The following CEP295 variants were observed in gnomAD, a reference collection of about 807,000 sequenced individuals.
CEP295 encodes the protein centrosomal protein of 295 kDa.
CEP295 carries 190 observed loss-of-function variants against 291.6 expected under a neutral mutation model. The observed-to-expected ratio is 0.65, with a 90% CI of 0.58 to 0.73. The LOEUF is 0.73. CEP295 is among the 30% of genes least tolerant of loss of function. The pLI is 0.00. For synonymous variants in CEP295, 993 were observed against 1,038.8 expected, an observed-to-expected ratio of 0.96 and a Z score of 0.85; for missense variants, 2,863 against 2,949.4, an observed-to-expected ratio of 0.97 and a Z score of 0.68.
At position 93,709,375 on chromosome 11, in the gene CEP295, T is replaced by G. The variant is rs566844846; in HGVS notation, c.5749+2478T>G. 5.3e-5 allele frequency among the ~76,000 whole-genome samples: 8 copies of G among 152,344 alleles called. 1 individual carries two copies. Among genetic ancestry groups the G allele is most frequent in the African/African-American group, 1.9e-4 (8 of 41,576 alleles). ...TTCTTCCATATGTGGGTATCCAGTCTTCCCAGCACCATTTACTGAAGAGAC... is the reference window on the plus strand; with the variant it reads ...TTCTTCCATATGTGGGTATCCAGTCGTCCCAGCACCATTTACTGAAGAGAC... On this transcript the variant is annotated intron_variant, in intron 18 of 29. Transcript: ENST00000325212.
chr11:93,705,370 G>A (rs1268498535), intron 17 of CEP295, among the ~76,000 whole-genome samples: 1 of 152,142 alleles, frequency 6.6e-6, no homozygotes, highest in East Asian at 1.9e-4. Context: ...GTTTAAAAAG[G>A]AAAAGTCTAA....
chr11:93,696,458 T>C (rs1303290249), intron 14 of CEP295, 41 bp downstream of exon 14: 10 of 1,287,152 alleles, frequency 7.8e-6, no homozygotes, highest in Non-Finnish European at 1.1e-5. Flanking sequence ...CGTATGTGGC[T>C]ACATTTTTAG....
chr11:93,708,555 G>A (rs947045628), intron 18 of CEP295, among the ~76,000 whole-genome samples: 2 of 151,916 alleles, frequency 1.3e-5, no homozygotes, highest in Non-Finnish European at 2.9e-5. Flanking sequence ...TTTGTTTGTT[G>A]ATGGACACTT....
In CEP295 at chr11:93,706,879, G is replaced by A. The variant is rs1179154929; in HGVS notation, c.5731G>A (p.Asp1911Asn). 4.4e-5 allele frequency: 68 copies of A among 1,537,788 alleles called. No homozygotes were observed. The Admixed American group carries it at 1.3e-3, about 30-fold the overall frequency. The change falls in exon 18 of 30, where the codon GAT becomes AAT. Residue 1911 changes from aspartate (D) to asparagine (N), a missense_variant. Asp to Asn is a conservative substitution (Grantham distance 23). Coordinates refer to ENST00000325212, the MANE Select transcript of CEP295 (RefSeq NM_033395.2). ...GGTTGGCCAAGAGAATGTCTGTGGT[G>A]ATGACTATGATGAAGCAGGTGAGAA... ...QLVGQENVCG[D>N]DYDEAVKLKE...
intron 12 of CEP295, among the ~76,000 whole-genome samples, chr11:93,693,290 C>G (rs2135062403): frequency 6.6e-6 from 1 of 151,738 alleles, no homozygotes; most frequent in African/African-American, 2.4e-5. Context: ...AAAAAAAAAT[C>G]CTCCTTAACT....
chr11:93,676,886 AGTT>A (rs1272909541), intron 6 of CEP295, among the ~76,000 whole-genome samples: 1 of 152,070 alleles, frequency 6.6e-6, no homozygotes, highest in Non-Finnish European at 1.5e-5. Flanking sequence ...TTAGATCAGT[AGTT>A]ATAATGATAA....
chr11:93,730,149 G>A lies in CEP295; in HGVS notation c.7767+1G>A. ...AGCAAGGGCAAAAGAATTCCATAAG[G>A]TGAGTATAACTGAGGGAGAAGGACT... On this transcript the variant is annotated splice_donor_variant, in intron 29 of 29. Transcript: ENST00000325212. LOFTEE classifies it high-confidence loss of function. 6.4e-7 allele frequency: 1 copy of A among 1,551,014 alleles called. No individual in the cohort carries two copies. Among genetic ancestry groups the A allele is most frequent in the Non-Finnish European group, 8.7e-7 (1 of 1,146,788 alleles).
rs1171211298 is a variant in CEP295, at chr11:93,699,434, C to T, written c.4522C>T (p.Leu1508Phe). The change falls in exon 15 of 30, where the codon CTT (leucine) becomes TTT (phenylalanine). Residue 1508 changes from leucine to phenylalanine, a missense_variant. Coordinates refer to ENST00000325212, the MANE Select transcript of CEP295 (RefSeq NM_033395.2). ...IQSHHGDLQA[L>F]QQQLDTQKKA... ...GTCTCACCATGGTGATTTGCAGGCA[C>T]TTCAACAGCAGTTAGATACACAGAA... 6 of 1,551,750 alleles carry T rather than the reference C, an allele frequency of 3.9e-6. No individual in the cohort carries two copies. Among genetic ancestry groups the T allele is most frequent in the Non-Finnish European group, 1.7e-6 (2 of 1,146,998 alleles).
In CEP295 at chr11:93,702,762, C is replaced by G; in HGVS notation, c.5453-14C>G. On this transcript the variant is annotated splice_polypyrimidine_tract_variant and intron_variant, in intron 16 of 29. Coordinates refer to ENST00000325212, the MANE Select transcript of CEP295 (RefSeq NM_033395.2). ...GATTTTGTATTGTATCCAACTTTGT[C>G]ATTGACTTAATAGGTGAGCATCTGG... is the stretch of plus-strand genomic sequence containing the variant. The G allele has an allele frequency of 6.5e-7, 1 of 1,549,902 alleles. No homozygotes were observed. The highest frequency in any genetic ancestry group is 1.2e-5 in the South Asian group (1 of 83,564).
At chr11:93,715,225 C>A (rs1953160763) in intron 18 of CEP295, among the ~76,000 whole-genome samples, 1 of 152,116 alleles carries the variant, frequency 6.6e-6, no homozygotes. Flanking sequence ...CTGTTCCCTC[C>A]CCTTCCTTAG....
intron 2 of CEP295, among the ~76,000 whole-genome samples, chr11:93,667,121 A>G (rs1457689036): frequency 6.6e-6 from 1 of 152,224 alleles, no homozygotes; most frequent in East Asian, 1.9e-4. Flanking sequence ...TGCTAATTGG[A>G]AAGATTATTA....
At chr11:93,724,165 C>T (rs1281703168) in intron 21 of CEP295, 89 bp from the exon 22 acceptor site, 8 of 1,226,494 alleles carry the variant, frequency 6.5e-6, no homozygotes, top group Non-Finnish European at 7.9e-6. Flanking sequence ...TGAATATGTT[C>T]TTAATACTCC....
At chr11:93,719,596 A>C (rs981966939) in intron 18 of CEP295, 2 of 152,082 alleles carry the variant, frequency 1.3e-5, no homozygotes, top group African/African-American at 2.4e-5. Context: ...CATTTGAAAA[A>C]TAATTCTCCT....
At chr11:93,665,859 A>G (rs778807693) in intron 1 of CEP295, among the ~76,000 whole-genome samples, 13 of 152,242 alleles carry the variant, frequency 8.5e-5, no homozygotes, top group African/African-American at 1.4e-4. Context: ...TAACAATGAC[A>G]CTTGGTGATC....
rs1161832878 is a variant in CEP295 at position 93,697,866 on chromosome 11, G to A, written c.2954G>A (p.Arg985Lys). The change falls in exon 15 of 30, where the codon AGA becomes AAA. Residue 985 changes from arginine to lysine, a missense_variant. Physicochemically the swap from Arg to Lys is conservative, Grantham distance 26 (BLOSUM62 2). This residue lies in a region of CEP295 where 2,295 missense variants were observed against 2,335.7 expected (regional missense o/e 0.98). Transcript: ENST00000325212. Reference sequence around the variant, plus strand: ...CATAAACAGAGTGAATTGGATAGAAGAGTATGTTCCGAACAGGCTGAGCCC... The same window carrying A: ...CATAAACAGAGTGAATTGGATAGAAAAGTATGTTCCGAACAGGCTGAGCCC... ...YVHKQSELDRRVCSEQAEPSF... is the reference protein window; with the variant it reads ...YVHKQSELDRKVCSEQAEPSF... The A allele has an allele frequency of 6.4e-7, 1 of 1,551,760 alleles. No individual in the cohort carries two copies. Among genetic ancestry groups the A allele is most frequent in the Admixed American group, 2.0e-5 (1 of 51,006 alleles).
intron 18 of CEP295, chr11:93,719,517 C>A (rs546766330): frequency 6.6e-6 from 1 of 152,174 alleles, no homozygotes; most frequent in South Asian, 2.1e-4. Flanking sequence ...ATCCTCCCAC[C>A]TCAACTTCCT....
intron 12 of CEP295, among the ~76,000 whole-genome samples, chr11:93,693,299 C>T (rs1404603893): frequency 6.6e-6 from 1 of 151,978 alleles, no homozygotes; most frequent in East Asian, 1.9e-4. Flanking sequence ...TCCTCCTTAA[C>T]TTATGACTTT....
Position 93,675,611 on chromosome 11 carries a change from G to A in CEP295, c.569G>A (p.Ser190Asn). The change falls in exon 6 of 30, where the codon AGT becomes AAT. Residue 190 changes from serine to asparagine, a missense_variant. Ser to Asn is a conservative substitution (Grantham distance 46). This residue lies in a region of CEP295 where 554 missense variants were observed against 576.0 expected (regional missense o/e 0.96). Transcript: ENST00000325212. ...AGAATTTCTGCAGTCAAAACCAATA[G>A]TTCTACCTACCATCATCTTCACACT... ...VKRISAVKTN[S>N]STYHHLHTFV... is the part of the protein sequence containing the mutation. 1 of 1,512,794 alleles carries A rather than the reference G, an allele frequency of 6.6e-7. No homozygotes were observed. Among genetic ancestry groups the A allele is most frequent in the Non-Finnish European group, 8.8e-7 (1 of 1,133,488 alleles). 93.7% of individuals were successfully genotyped at this position (1,512,794 alleles called of 1,614,324 possible).
At chr11:93,664,136 T>A (rs1460687511) in intron 1 of CEP295, among the ~76,000 whole-genome samples, 2 of 152,190 alleles carry the variant, frequency 1.3e-5, no homozygotes, top group Admixed American at 6.5e-5. Flanking sequence ...GGAATTAGTC[T>A]TAATTATTTA....
Sources: gnomAD v4.1 joint callset for allele counts (sites outside exome capture counted in the v4.1 genomes callset) on GRCh38, gnomAD v4.1.1 for gene constraint, gnomAD v4.1.1 regional missense constraint, MANE v1.5 for transcripts, NCBI Gene and HGNC (gene_info 2026-07-23, HGNC 2026-07-21) for gene names.